Variants in ZNF91 observed in about 807,000 individuals in gnomAD.
ZNF91 encodes zinc finger protein 91.
In ZNF91, 7 loss-of-function variants were observed where a neutral mutation model predicts 12.6. The observed-to-expected ratio is 0.55, with a 90% confidence interval of 0.31 to 1.04. The LOEUF (loss-of-function observed/expected upper bound fraction) is 1.04, where lower values mean the gene tolerates loss of function less well. Among genes scored for constraint, ZNF91 ranks in the 50% least tolerant of loss-of-function variants. The probability of loss-of-function intolerance (pLI) is 0.05; values close to 1 mark genes in which losing one functional copy is unlikely to be tolerated. For missense variants in ZNF91, 1,217 were observed against 1,385.4 expected (o/e 0.88, Z 1.93); for synonymous variants, 453 against 462.6 (o/e 0.98, Z 0.27).
At chr19:23,354,321 T>C (rs1255788298), downstream of ZNF91, among the ~76,000 whole-genome samples, 1 of 151,824 alleles carries the variant, frequency 6.6e-6, no homozygotes, top group African/African-American at 2.4e-5. Context: ...CACACACAAG[T>C]CAAGAAATGT....
At chr19:23,379,977 C>T (rs1969640829) in intron 1 of ZNF91, among the ~76,000 whole-genome samples, 1 of 152,086 alleles carries the variant, frequency 6.6e-6, no homozygotes, top group South Asian at 2.1e-4. Context: ...TGAAGTCTGG[C>T]CGGGTGCGGT....
chr19:23,378,497 GTAATTT>G (rs1969584604), intron 1 of ZNF91, among the ~76,000 whole-genome samples: 1 of 152,164 alleles, frequency 6.6e-6, no homozygotes, highest in African/African-American at 2.4e-5. Flanking sequence ...CAGAGTTTGT[GTAATTT>G]TAATCTTTTT....
At chr19:23,355,528 C>T (rs1454474575), downstream of ZNF91, among the ~76,000 whole-genome samples, 1 of 152,112 alleles carries the variant, frequency 6.6e-6, no homozygotes, top group Non-Finnish European at 1.5e-5. Flanking sequence ...AAAAACCCTT[C>T]TAGGCATTGG....
intron 1 of ZNF91, among the ~76,000 whole-genome samples, chr19:23,387,941 C>CAA (rs71163499): frequency 0.19 from 10,871 of 55,934 alleles, 1,005 homozygotes; most frequent in Non-Finnish European, 0.22. Context: ...GAGACTGTCT[C>CAA]AAAAAAAAAA....
At chr19:23,387,659 G>T (rs1969916613) in intron 1 of ZNF91, among the ~76,000 whole-genome samples, 1 of 151,868 alleles carries the variant, frequency 6.6e-6, no homozygotes, top group Non-Finnish European at 1.5e-5. Context: ...GTATTGCTTG[G>T]CCCACCACGA....
At chr19:23,323,263 CCTTTT>C (rs1262853796) in intron 1 of ZNF91, among the ~76,000 whole-genome samples, 63 of 146,450 alleles carry the variant, frequency 4.3e-4, no homozygotes, top group African/African-American at 5.0e-5. Context: ...TCCTCCTGTT[CCTTTT>C]CTTCTTTCTT....
chr19:23,375,805 T>C (rs1435234721), intron 1 of ZNF91, among the ~76,000 whole-genome samples: 2 of 152,092 alleles, frequency 1.3e-5, no homozygotes, highest in Non-Finnish European at 2.9e-5. Context: ...GAAAAATAAC[T>C]CTGTAGTGAA....
In ZNF91 at chr19:23,361,865, G is replaced by A; in HGVS notation, c.1114C>T (p.His372Tyr). The stretch of plus-strand genomic sequence containing the variant: ...CATTTGTAGGGTTTCTCTTCAGTAT[G>A]AGTTATCTTATGATTAGCAAGGGTT... ...SSTLANHKIT[H>Y]TEEKPYKCKE... The change falls in exon 4 of 4, where the codon CAT becomes TAT. Residue 372 changes from histidine to tyrosine, a missense_variant. His to Tyr is a moderately conservative substitution (Grantham distance 83). Coordinates refer to ENST00000300619, the MANE Select transcript of ZNF91 (RefSeq NM_003430.4). The A allele has an allele frequency of 1.2e-6, 2 of 1,612,422 alleles. No homozygotes were observed. The highest frequency in any genetic ancestry group is 1.7e-6 in the Non-Finnish European group (2 of 1,179,110).
Position 23,362,697 on chromosome 19 carries a change from A to G in ZNF91, c.282T>C (p.Phe94=), listed in dbSNP as rs1968861953. Residue 94 remains phenylalanine, a synonymous_variant, in exon 4 of 4, where the codon TTT becomes TTC. Coordinates refer to ENST00000300619, the MANE Select transcript of ZNF91 (RefSeq NM_003430.4). ...AATCTTCCATGCTCTGCTCTGGCCA[A>G]AAGTCTTGAGGAAAATGAGGACATA... ...TGICPHFPQD[F]WPEQSMEDSF... 1.3e-6 allele frequency: 2 copies of G among 1,490,006 alleles called. No homozygotes were observed. The highest frequency in any genetic ancestry group is 1.4e-5 in the African/African-American group (1 of 71,246). The allele number at this position is 1,490,006 out of a possible 1,614,324, so 92.3% of individuals were successfully genotyped here.
Position 23,358,405 on chromosome 19 carries a change from C to T in ZNF91, c.*998G>A, listed in dbSNP as rs1177918648. ...CCTCTCTACTTAAATTTTCATCATG[C>T]ATCTTACATTTTTAATGTCCTTACC... On this transcript the variant is annotated 3_prime_UTR_variant, in exon 4 of 4. Coordinates refer to ENST00000300619, the MANE Select transcript of ZNF91 (RefSeq NM_003430.4). The T allele has an allele frequency of 6.6e-6, 1 of 152,132 alleles. No homozygotes were observed. Among genetic ancestry groups the T allele is most frequent in the Non-Finnish European group, 1.5e-5 (1 of 68,006 alleles). 9.4% of individuals were successfully genotyped at this position (152,132 alleles called of 1,614,324 possible).
At chr19:23,332,680 G>C (rs1362361298) in intron 1 of ZNF91, among the ~76,000 whole-genome samples, 1 of 152,148 alleles carries the variant, frequency 6.6e-6, no homozygotes, top group African/African-American at 2.4e-5. Flanking sequence ...ATAAATCACA[G>C]CTTACCTAGT....
At chr19:23,367,318 AC>A (rs1487323227) in intron 3 of ZNF91, among the ~76,000 whole-genome samples, 1 of 152,182 alleles carries the variant, frequency 6.6e-6, no homozygotes, top group Non-Finnish European at 1.5e-5. Flanking sequence ...ACACAAAAAA[AC>A]AACAAATAAA....
At chr19:23,336,851 G>T (rs1968018877), downstream of ZNF91, among the ~76,000 whole-genome samples, 1 of 152,006 alleles carries the variant, frequency 6.6e-6, no homozygotes, top group African/African-American at 2.4e-5. Flanking sequence ...CCCACTGCAG[G>T]CTCCGCCCCC....
At position 23,374,673 on chromosome 19, in the gene ZNF91, A is replaced by T; in HGVS notation, c.122T>A (p.Val41Glu). 1 of 1,612,988 alleles carries T rather than the reference A, an allele frequency of 6.2e-7. No individual in the cohort carries two copies. The highest frequency in any genetic ancestry group is 8.5e-7 in the Non-Finnish European group (1 of 1,179,514). ...DTAQQNLYRN[V>E]MLENYRNLAF... ...CAGGTTTCTGTAGTTCTCTAACATC[A>T]CATTCCTATATAAATTCTGCTGTGC... Residue 41 changes from valine to glutamate, a missense_variant, in exon 2 of 4, where the codon GTG (valine) becomes GAG (glutamate). Physicochemically the swap from Val to Glu is moderately radical, Grantham distance 121. Around this residue, in one of 2 missense-constraint regions of ZNF91, gnomAD observed 726 missense variants for 895.5 expected, o/e 0.81. Coordinates refer to ENST00000300619, the MANE Select transcript of ZNF91 (RefSeq NM_003430.4).
chr19:23,306,047 G>A (rs1247459641), intron 3 of ZNF91, among the ~76,000 whole-genome samples: 1 of 152,146 alleles, frequency 6.6e-6, no homozygotes, highest in East Asian at 1.9e-4. Flanking sequence ...TATTTACATA[G>A]AAATACTCAT....
chr19:23,395,463 G>C lies in ZNF91; in HGVS notation c.-109C>G. 1 of 1,383,392 alleles carries C rather than the reference G, an allele frequency of 7.2e-7. No individual in the cohort carries two copies. The highest frequency in any genetic ancestry group is 2.1e-5 in the Admixed American group (1 of 47,070). 85.7% of individuals were successfully genotyped at this position (1,383,392 alleles called of 1,614,324 possible). On this transcript the variant is annotated 5_prime_UTR_variant, in exon 1 of 4. Coordinates refer to ENST00000300619, the MANE Select transcript of ZNF91 (RefSeq NM_003430.4). ...TCGAGACCTGGAAACTCCGGCGGCA[G>C]CGAGAGACAAAGGCCCAGCCACATC...
At chr19:23,375,281 T>A (rs1969465601) in intron 1 of ZNF91, among the ~76,000 whole-genome samples, 1 of 152,046 alleles carries the variant, frequency 6.6e-6, no homozygotes, top group African/African-American at 2.4e-5. Context: ...TGCCTCAGCC[T>A]CCCGAGTAGC....
intron 1 of ZNF91, among the ~76,000 whole-genome samples, chr19:23,323,163 C>G (rs1967746749): frequency 6.8e-6 from 1 of 147,808 alleles, no homozygotes; most frequent in Non-Finnish European, 1.5e-5. Flanking sequence ...CTCCTCCTCT[C>G]CACCTTTTTC....
chr19:23,386,635 C>T (rs1568403595), intron 1 of ZNF91, among the ~76,000 whole-genome samples: 2 of 152,122 alleles, frequency 1.3e-5, no homozygotes, highest in African/African-American at 4.8e-5. Flanking sequence ...CCCTTTATTA[C>T]ACCATACACA....
Sources: gnomAD v4.1 joint callset for allele counts (sites outside exome capture counted in the v4.1 genomes callset) on GRCh38, gnomAD v4.1.1 for gene constraint, gnomAD v4.1.1 regional missense constraint, MANE v1.5 for transcripts, NCBI Gene and HGNC (gene_info 2026-07-23, HGNC 2026-07-21) for gene names.